The following TRIM5 variants were observed in gnomAD, a reference collection of about 807,000 sequenced individuals.
TRIM5 encodes tripartite motif containing 5.
TRIM5 carries 31 observed loss-of-function variants against 35.6 expected under a neutral mutation model. That is an observed-to-expected ratio of 0.87 (90% CI 0.65 to 1.18). The LOEUF (loss-of-function observed/expected upper bound fraction) is 1.18, where lower values mean the gene tolerates loss of function less well. Among genes scored for constraint, TRIM5 ranks in the 50% most tolerant of loss-of-function variants. The pLI is 0.00. For missense variants in TRIM5, 609 were observed against 591.6 expected, an observed-to-expected ratio of 1.03 and a Z score of -0.31; for synonymous variants, 243 against 215.6, an observed-to-expected ratio of 1.13 and a Z score of -1.11.
the TRIM5 span, chr11:5,611,254 C>T: frequency 1.2e-6 from 2 of 1,614,052 alleles, no homozygotes; most frequent in Admixed American, 1.7e-5. Flanking sequence ...TACACTTTCT[C>T]TAAATATTAC....
chr11:5,670,029 C>T (rs1851456320), intron 4 of TRIM5: 1 of 156,672 alleles, frequency 6.4e-6, no homozygotes, highest in Non-Finnish European at 1.4e-5. Context: ...CCCTATTCCT[C>T]TACATTGAGT....
At chr11:5,603,478 T>C in the TRIM5 span, 1 of 1,614,110 alleles carries the variant, frequency 6.2e-7, no homozygotes, top group South Asian at 1.1e-5. Flanking sequence ...GGAAAGAAGC[T>C]GCCCTGTGTG....
At chr11:5,678,833 T>C (rs1284586319) in intron 3 of TRIM5, among the ~76,000 whole-genome samples, 3 of 152,130 alleles carry the variant, frequency 2.0e-5, no homozygotes, top group Non-Finnish European at 1.5e-5. Context: ...AGCACAAAAA[T>C]AGAATGCAGG....
chr11:5,596,948 G>C, the TRIM5 span: 1 of 1,613,938 alleles, frequency 6.2e-7, no homozygotes, highest in Non-Finnish European at 8.5e-7. Context: ...GGCTCTTATT[G>C]TCACTTCTGG....
At chr11:5,628,227 A>C in the TRIM5 span, among the ~76,000 whole-genome samples, 4 of 152,234 alleles carry the variant, frequency 2.6e-5, no homozygotes, top group African/African-American at 7.2e-5. Flanking sequence ...GGCAGAATGC[A>C]TGTTCTACTA....
the TRIM5 span, chr11:5,644,459 A>AT: frequency 0.021 from 8,141 of 389,426 alleles, 575 homozygotes; most frequent in African/African-American, 0.15. Context: ...ATAGTAGTTG[A>AT]TTTTACTGAA....
At position 5,665,171 on chromosome 11, in the gene TRIM5, C is replaced by T. The variant is rs1173962210; in HGVS notation, c.1120G>A (p.Gly374Arg). ...DVSKKTAWIL[G>R]VCAGFQPDAM... Reference sequence around the variant, plus strand: ...TCAGGTTGGAAGCCAGCACATACCCCCAGGATCCAAGCAGTTTTCTTGGAC... The same window carrying T: ...TCAGGTTGGAAGCCAGCACATACCCTCAGGATCCAAGCAGTTTTCTTGGAC... The change falls in exon 8 of 8, where the codon GGG (glycine) becomes AGG (arginine). Residue 374 changes from glycine (G) to arginine (R), a missense_variant. Transcript: ENST00000380034. 1.2e-6 allele frequency: 2 copies of T among 1,613,904 alleles called. No individual in the cohort carries two copies. Among genetic ancestry groups the T allele is most frequent in the Non-Finnish European group, 1.7e-6 (2 of 1,179,978 alleles).
chr11:5,606,431 TG>T, the TRIM5 span, among the ~76,000 whole-genome samples: 1 of 152,226 alleles, frequency 6.6e-6, no homozygotes, highest in Non-Finnish European at 1.5e-5. Flanking sequence ...TGTGATATTC[TG>T]TAACCTTCAG....
intron 4 of TRIM5, among the ~76,000 whole-genome samples, chr11:5,672,222 C>A (rs998515386): frequency 6.6e-6 from 1 of 151,788 alleles, no homozygotes; most frequent in Non-Finnish European, 1.5e-5. Flanking sequence ...TTTTTTCTTT[C>A]TTTTTTTGAG....
At chr11:5,614,908 T>C in the TRIM5 span, among the ~76,000 whole-genome samples, 1 of 152,196 alleles carries the variant, frequency 6.6e-6, no homozygotes. Context: ...GATGGGGTTC[T>C]TTTTTGTATA....
At chr11:5,681,118 A>C (rs1852408168) in intron 1 of TRIM5, among the ~76,000 whole-genome samples, 2 of 152,200 alleles carry the variant, frequency 1.3e-5, no homozygotes, top group African/African-American at 4.8e-5. Context: ...TGATAGAGAA[A>C]TACTCAGTGG....
At chr11:5,592,360 T>G in the TRIM5 span, among the ~76,000 whole-genome samples, 1 of 152,132 alleles carries the variant, frequency 6.6e-6, no homozygotes. Flanking sequence ...TATTTAGTCT[T>G]CACAATAACT....
the TRIM5 span, among the ~76,000 whole-genome samples, chr11:5,592,301 G>A: frequency 1.3e-5 from 2 of 152,082 alleles, no homozygotes; most frequent in Non-Finnish European, 2.9e-5. Flanking sequence ...ACTCACTGAC[G>A]AGCTATTGTG....
At chr11:5,621,753 T>C in the TRIM5 span, among the ~76,000 whole-genome samples, 6 of 152,338 alleles carry the variant, frequency 3.9e-5, no homozygotes, top group Admixed American at 2.0e-4. Context: ...GCCTATCTGA[T>C]TGACTCCTTT....
chr11:5,615,574 T>TTTG, the TRIM5 span, among the ~76,000 whole-genome samples: 1,265 of 106,316 alleles, frequency 0.012, 15 homozygotes, highest in African/African-American at 0.039. Context: ...TTTCTTGTTT[T>TTTG]TTGTTTTTTT....
At chr11:5,673,673 T>C (rs1328318737) in intron 4 of TRIM5, among the ~76,000 whole-genome samples, 3 of 152,170 alleles carry the variant, frequency 2.0e-5, no homozygotes, top group Non-Finnish European at 4.4e-5. Context: ...TAATGTTCCA[T>C]ACCATAAGAT....
At chr11:5,658,764 C>A (rs1403039403), downstream of TRIM5, among the ~76,000 whole-genome samples, 1 of 152,114 alleles carries the variant, frequency 6.6e-6, no homozygotes, top group Non-Finnish European at 1.5e-5. Context: ...GGCACATACC[C>A]AGTAATGGGA....
rs993494767 is a variant in TRIM5, at chr11:5,679,067, C to T, written c.513+7G>A. The T allele has an allele frequency of 1.3e-5, 21 of 1,612,868 alleles. No homozygotes were observed. In the Admixed American group the frequency reaches 1.5e-4, roughly 12 times the overall value. ...AGCTAACTCCTTCGGGAACCACATC[C>T]TCTTGCCTTCCAGGAAGCTTTCTCT... On this transcript the variant is annotated splice_region_variant and intron_variant, in intron 3 of 7. Transcript: ENST00000380034.
At chr11:5,629,524 A>G in the TRIM5 span, among the ~76,000 whole-genome samples, 1 of 152,136 alleles carries the variant, frequency 6.6e-6, no homozygotes, top group Non-Finnish European at 1.5e-5. Context: ...TCAGGTTCTG[A>G]GAATTGGCAT....
Sources: allele counts gnomAD v4.1 joint callset (sites outside exome capture counted in the v4.1 genomes callset), GRCh38; gene constraint gnomAD v4.1.1; transcripts MANE v1.5; gene names NCBI Gene and HGNC (gene_info 2026-07-23, HGNC 2026-07-21).